Variants in KREMEN1 observed in about 807,000 individuals in gnomAD.
KREMEN1 encodes kremen protein 1.
In KREMEN1, 30 loss-of-function variants were observed where a neutral mutation model predicts 46.5. The ratio of observed to expected loss-of-function variants is 0.65; its 90% CI spans 0.48 to 0.88. The LOEUF is 0.88. KREMEN1 is among the 40% of genes least tolerant of loss of function. KREMEN1 has a pLI of 0.00. For missense variants in KREMEN1, 533 were observed against 596.9 expected, an observed-to-expected ratio of 0.89 and a Z score of 1.11; for synonymous variants, 214 against 230.6, an observed-to-expected ratio of 0.93 and a Z score of 0.65.
chr22:29,160,356 C>A (rs1490254386), intron 9 of KREMEN1, among the ~76,000 whole-genome samples: 1 of 141,892 alleles, frequency 7.0e-6, no homozygotes, highest in African/African-American at 2.7e-5. Flanking sequence ...CATGGTGAAA[C>A]CCTGTCTCAA....
chr22:29,128,000 G>T (rs1166657907), intron 5 of KREMEN1, among the ~76,000 whole-genome samples: 4 of 152,162 alleles, frequency 2.6e-5, no homozygotes, highest in African/African-American at 7.2e-5. Flanking sequence ...CATATTTTAT[G>T]ATCTCATTTA....
intron 4 of KREMEN1, among the ~76,000 whole-genome samples, chr22:29,122,552 ATAATC>A (rs2038372194): frequency 6.6e-6 from 1 of 152,226 alleles, no homozygotes; most frequent in Non-Finnish European, 1.5e-5. Context: ...CAAACTGTAA[ATAATC>A]TAAACGTCCA....
At position 29,138,631 on chromosome 22, in the gene KREMEN1, G is replaced by A. The variant is rs1242705276; in HGVS notation, c.972G>A (p.Lys324=). ...TTGCTTTTTCTCTTCCAGCCGTCAA[G>A]GAAGAACTGCCACAGGAGAGGCCCG... ...QGFAVLYQAV[K]EELPQERPAV... is the part of the protein sequence containing the mutation. The change falls in exon 7 of 9, where the codon AAG becomes AAA. Residue 324 remains lysine (K), a synonymous_variant. Coordinates refer to ENST00000400335, the MANE Select transcript of KREMEN1 (RefSeq NM_001039570.3). 6 of 1,614,104 alleles carry A rather than the reference G, an allele frequency of 3.7e-6. No homozygotes were observed. The highest frequency in any genetic ancestry group is 3.4e-6 in the Non-Finnish European group (4 of 1,180,048).
At chr22:29,151,607 G>C (rs1295774240), downstream of KREMEN1, among the ~76,000 whole-genome samples, 1 of 152,142 alleles carries the variant, frequency 6.6e-6, no homozygotes, top group African/African-American at 2.4e-5. Flanking sequence ...TCACGCTTGT[G>C]TTCCCATAAA....
At chr22:29,120,498 T>C (rs2038333376) in intron 3 of KREMEN1, among the ~76,000 whole-genome samples, 1 of 96,412 alleles carries the variant, frequency 1.0e-5, no homozygotes, top group Non-Finnish European at 2.0e-5. Flanking sequence ...GGAGAGGTGA[T>C]AAAGGAAACG....
chr22:29,151,699 T>C (rs2038916316), downstream of KREMEN1, among the ~76,000 whole-genome samples: 2 of 152,090 alleles, frequency 1.3e-5, no homozygotes, highest in South Asian at 2.1e-4. Context: ...TTTGATTTTT[T>C]CCCCCCAAAA....
At chr22:29,126,974 C>T (rs892270317) in intron 5 of KREMEN1, among the ~76,000 whole-genome samples, 1 of 152,232 alleles carries the variant, frequency 6.6e-6, no homozygotes, top group African/African-American at 2.4e-5. Flanking sequence ...ACCCACTGCA[C>T]ATCTATTTAA....
intron 5 of KREMEN1, among the ~76,000 whole-genome samples, chr22:29,133,588 A>C (rs886313291): frequency 1.4e-4 from 21 of 152,078 alleles, no homozygotes; most frequent in Non-Finnish European, 2.9e-5. Flanking sequence ...GGCATGAGCC[A>C]CCATGCCCAG....
chr22:29,143,401 TG>T lies in KREMEN1; in HGVS notation c.*1293del, dbSNP rs2038800793. 2.0e-6 allele frequency: 2 copies of T among 985,288 alleles called. No individual in the cohort carries two copies. The highest frequency in any genetic ancestry group is 2.4e-6 in the Non-Finnish European group (2 of 829,988). The allele number at this position is 985,288 out of a possible 1,614,324, so 61.0% of individuals were successfully genotyped here. On this transcript the variant is annotated 3_prime_UTR_variant, in exon 9 of 9. Transcript: ENST00000400335. ...CCCTTAGGCAGCACTATATGAGACA[TG>T]GGGCCTGTGGTCCTTCCTTCTGGTG...
chr22:29,088,292 C>T (rs576675022), intron 1 of KREMEN1, among the ~76,000 whole-genome samples: 5 of 132,976 alleles, frequency 3.8e-5, no homozygotes, highest in South Asian at 5.0e-4. Flanking sequence ...CGTGCGCACG[C>T]GTGCACGCGT....
intron 5 of KREMEN1, among the ~76,000 whole-genome samples, chr22:29,131,630 GTATA>G (rs1246683996): frequency 1.6e-5 from 2 of 124,188 alleles, no homozygotes; most frequent in Non-Finnish European, 3.2e-5. Context: ...ATGTATATAT[GTATA>G]TATATGTGTG....
intron 3 of KREMEN1, among the ~76,000 whole-genome samples, chr22:29,112,983 G>T (rs528857889): frequency 1.3e-5 from 2 of 152,218 alleles, no homozygotes; most frequent in Non-Finnish European, 2.9e-5. Flanking sequence ...GACTGGGACC[G>T]CAGAGGCTTC....
At chr22:29,128,912 G>A (rs562693018) in intron 5 of KREMEN1, among the ~76,000 whole-genome samples, 6 of 152,262 alleles carry the variant, frequency 3.9e-5, no homozygotes, top group Admixed American at 1.3e-4. Context: ...TCATAATAAC[G>A]GATCCAGTTT....
At chr22:29,081,927 G>T (rs2037661566) in intron 1 of KREMEN1, among the ~76,000 whole-genome samples, 1 of 152,146 alleles carries the variant, frequency 6.6e-6, no homozygotes, top group African/African-American at 2.4e-5. Context: ...TATATTATTT[G>T]TCTATCCCAT....
At chr22:29,114,118 C>T (rs2038195463) in intron 3 of KREMEN1, among the ~76,000 whole-genome samples, 1 of 152,002 alleles carries the variant, frequency 6.6e-6, no homozygotes, top group South Asian at 2.1e-4. Flanking sequence ...AGATGAGGCC[C>T]TTGGGGAGGT....
chr22:29,160,674 G>T (rs2039003409), intron 9 of KREMEN1, among the ~76,000 whole-genome samples: 1 of 152,002 alleles, frequency 6.6e-6, no homozygotes, highest in African/African-American at 2.4e-5. Context: ...AAAATTCTTT[G>T]AAAGAAATGA....
chr22:29,104,291 G>A (rs2038017702), intron 3 of KREMEN1, among the ~76,000 whole-genome samples: 2 of 151,654 alleles, frequency 1.3e-5, no homozygotes, highest in African/African-American at 4.8e-5. Context: ...TGAGTAGCTG[G>A]GCCTACAGGC....
At chr22:29,084,917 A>G (rs5762980) in intron 1 of KREMEN1, among the ~76,000 whole-genome samples, 98,562 of 152,014 alleles carry the variant, frequency 0.65, 32,187 homozygotes, top group Middle Eastern at 0.78. Flanking sequence ...TAAGGGCACC[A>G]TCTCCTTAAA....
chr22:29,095,592 T>G (rs1028666872), intron 2 of KREMEN1, among the ~76,000 whole-genome samples: 12 of 152,228 alleles, frequency 7.9e-5, no homozygotes, highest in Non-Finnish European at 1.6e-4. Flanking sequence ...CTATATACCC[T>G]GTCCCTGGTT....
Sources: allele counts gnomAD v4.1 joint callset (sites outside exome capture counted in the v4.1 genomes callset), GRCh38; gene constraint gnomAD v4.1.1; transcripts MANE v1.5; gene names NCBI Gene and HGNC (gene_info 2026-07-23, HGNC 2026-07-21).